Variants in PDE1C observed in about 807,000 individuals in gnomAD.
PDE1C encodes the protein dual specificity calcium/calmodulin-dependent 3',5'-cyclic nucleotide phosphodiesterase 1C.
A neutral mutation model predicts 93.1 loss-of-function variants in PDE1C; 62 were observed. The observed-to-expected ratio is 0.67, with a 90% CI of 0.54 to 0.82. The LOEUF is 0.82. Among genes scored for constraint, PDE1C ranks in the 40% least tolerant of loss-of-function variants. PDE1C has a pLI of 0.00. For synonymous variants in PDE1C, 325 were observed against 310.1 expected (o/e 1.05, Z -0.50); for missense variants, 742 against 884.6 (o/e 0.84, Z 2.04).
intron 16 of PDE1C, chr7:31,786,892 A>G (rs1007676814): frequency 2.2e-5 from 3 of 135,486 alleles, no homozygotes; most frequent in African/African-American, 8.4e-5. Context: ...AATATATTAT[A>G]TTATCTATCT....
the PDE1C span, chr7:31,656,106 T>C: frequency 3.6e-6 from 3 of 843,104 alleles, no homozygotes; most frequent in South Asian, 1.1e-4. Flanking sequence ...GTGATCCTTA[T>C]TTTTTGAAAC....
intron 2 of PDE1C, among the ~76,000 whole-genome samples, chr7:32,034,328 C>G (rs189001870): frequency 6.6e-6 from 1 of 152,122 alleles, no homozygotes; most frequent in Non-Finnish European, 1.5e-5. Context: ...CCCCACTCCC[C>G]CTACCCATTA....
the PDE1C span, among the ~76,000 whole-genome samples, chr7:31,703,246 G>A: frequency 2.0e-5 from 3 of 152,156 alleles, no homozygotes; most frequent in Non-Finnish European, 4.4e-5. Context: ...AACCATTTCT[G>A]AAGGTGAGGA....
At chr7:32,207,864 TGTA>T (rs201929504) in intron 2 of PDE1C, among the ~76,000 whole-genome samples, 1,616 of 152,316 alleles carry the variant, frequency 0.011, 12 homozygotes, top group Middle Eastern at 0.017. Context: ...TCGTCTGTCT[TGTA>T]GTGAGCCTCT....
In PDE1C at chr7:31,940,672, C is replaced by T. The variant is rs192203069; in HGVS notation, c.129-59812G>A. On this transcript the variant is annotated intron_variant, in intron 2 of 17. Transcript: ENST00000396191. Reference sequence around the variant, plus strand: ...AGCTTCCCTGAAGGGCAACAAGCCCCCTGTGTCTGAACAGAAACCCATCTA... The same window carrying T: ...AGCTTCCCTGAAGGGCAACAAGCCCTCTGTGTCTGAACAGAAACCCATCTA... Among the ~76,000 whole-genome samples the T allele has an allele frequency of 1.1e-3, 162 of 147,500 alleles. 1 individual carries two copies. Among genetic ancestry groups the T allele is most frequent in the Non-Finnish European group, 2.1e-3 (142 of 67,566 alleles).
intron 16 of PDE1C, among the ~76,000 whole-genome samples, chr7:31,778,711 T>C (rs1424573400): frequency 6.6e-5 from 10 of 152,216 alleles, no homozygotes; most frequent in Admixed American, 5.2e-4. Flanking sequence ...ATTAAGCAGT[T>C]ACTGTGGCCC....
intron 1 of PDE1C, among the ~76,000 whole-genome samples, chr7:32,347,513 T>G (rs1783877645): frequency 6.6e-6 from 1 of 152,188 alleles, no homozygotes; most frequent in South Asian, 2.1e-4. Flanking sequence ...GTAAAGGTGT[T>G]TTGTAAATGT....
At chr7:32,261,210 T>G (rs1210039519) in intron 1 of PDE1C, among the ~76,000 whole-genome samples, 1 of 152,178 alleles carries the variant, frequency 6.6e-6, no homozygotes, top group Non-Finnish European at 1.5e-5. Flanking sequence ...ACATCACTTT[T>G]GTAAAACCTA....
chr7:31,963,340 G>C (rs1283562558), intron 2 of PDE1C, among the ~76,000 whole-genome samples: 1 of 152,098 alleles, frequency 6.6e-6, no homozygotes, highest in Non-Finnish European at 1.5e-5. Flanking sequence ...CTGCTTGTTT[G>C]TTTATATACT....
chr7:32,195,363 C>T (rs1356789934), intron 2 of PDE1C, among the ~76,000 whole-genome samples: 1 of 152,104 alleles, frequency 6.6e-6, no homozygotes, highest in Non-Finnish European at 1.5e-5. Context: ...CTTTATTTCC[C>T]CTCCATTTCT....
chr7:32,418,544 T>C (rs1358655021), intron 1 of PDE1C, among the ~76,000 whole-genome samples: 3 of 152,160 alleles, frequency 2.0e-5, no homozygotes, highest in Non-Finnish European at 4.4e-5. Flanking sequence ...ACTTTCCAAA[T>C]AGCATCCTTG....
At chr7:32,107,039 A>AT in intron 3 of PDE1C, among the ~76,000 whole-genome samples, 1 of 152,046 alleles carries the variant, frequency 6.6e-6, no homozygotes, top group African/African-American at 2.4e-5. Context: ...TGTAAAAGAA[A>AT]TGAAAAATGA....
At chr7:32,115,535 G>C (rs779334173) in intron 3 of PDE1C, among the ~76,000 whole-genome samples, 1 of 152,044 alleles carries the variant, frequency 6.6e-6, no homozygotes, top group Non-Finnish European at 1.5e-5. Context: ...TTAAAACCTA[G>C]ATGACTGATT....
chr7:32,080,186 G>T (rs1309429552), intron 3 of PDE1C, among the ~76,000 whole-genome samples: 2 of 152,060 alleles, frequency 1.3e-5, no homozygotes, highest in Non-Finnish European at 2.9e-5. Flanking sequence ...GCAGGCGGGT[G>T]GGGACAACAG....
In PDE1C at chr7:32,115,099, C is replaced by A. The variant is rs1034980426; in HGVS notation, c.308+54686G>T. ...GAACCAGAAATACCATTTGACCCAG[C>A]AATCCCATTACTGGGTATATACCTA... On this transcript the variant is annotated intron_variant, in intron 3 of 18. Coordinates refer to the PDE1C transcript ENST00000396193. 2.6e-5 allele frequency among the ~76,000 whole-genome samples: 4 copies of A among 152,148 alleles called. 1 individual carries two copies. The highest frequency in any genetic ancestry group is 5.9e-5 in the Non-Finnish European group (4 of 68,034).
the PDE1C span, among the ~76,000 whole-genome samples, chr7:31,689,336 T>G: frequency 6.6e-6 from 1 of 152,182 alleles, no homozygotes; most frequent in Non-Finnish European, 1.5e-5. Flanking sequence ...AGGCCCTAGC[T>G]TTTTGGTTGA....
At chr7:31,651,565 TGA>T in the PDE1C span, among the ~76,000 whole-genome samples, 1 of 152,090 alleles carries the variant, frequency 6.6e-6, no homozygotes, top group African/African-American at 2.4e-5. Flanking sequence ...GTGGGAGTTA[TGA>T]GAGTTTTGAA....
Position 31,753,418 on chromosome 7 carries a change from A to T in PDE1C, c.2096T>A (p.Ile699Asn). The T allele has an allele frequency of 1.9e-6, 3 of 1,612,388 alleles. No homozygotes were observed. Among genetic ancestry groups the T allele is most frequent in the Non-Finnish European group, 2.5e-6 (3 of 1,179,648 alleles). Residue 699 changes from isoleucine (I) to asparagine (N), a missense_variant, in exon 18 of 18, where the codon ATT becomes AAT. Coordinates refer to ENST00000396191, the MANE Select transcript of PDE1C (RefSeq NM_001191057.4). ...GTTCCAGTTATGTGAGATGTTCTGA[A>T]TCTTTTTCATTTTGATCCTCTGATC... ...MLDQRIKMKK[I>N]QNISHNWNRK is the part of the protein sequence containing the mutation.
intron 12 of PDE1C, among the ~76,000 whole-genome samples, 172 bp downstream of exon 12, chr7:31,828,120 C>T (rs1245926925): frequency 6.6e-6 from 1 of 152,090 alleles, no homozygotes; most frequent in African/African-American, 2.4e-5. Context: ...AAGCCACATT[C>T]CAGGGAAAAG....
Sources: allele counts gnomAD v4.1 joint callset (sites outside exome capture counted in the v4.1 genomes callset), GRCh38; gene constraint gnomAD v4.1.1; transcripts MANE v1.5; gene names NCBI Gene and HGNC (gene_info 2026-07-23, HGNC 2026-07-21).